Variants in FAM169A observed in about 807,000 individuals in gnomAD.
FAM169A encodes the protein soluble lamin-associated protein of 75 kDa.
A neutral mutation model predicts 75.7 loss-of-function variants in FAM169A; 24 were observed. That is an observed-to-expected ratio of 0.32 (90% confidence interval 0.23 to 0.45). FAM169A has a LOEUF of 0.45. FAM169A is among the 20% of genes least tolerant of loss of function. The pLI is 1.00. For missense variants in FAM169A, 673 were observed against 784.0 expected (o/e 0.86, Z 1.69); for synonymous variants, 271 against 271.0 (o/e 1.00, Z 0.00).
Position 74,866,224 on chromosome 5 carries a change from T to A in FAM169A, c.-63A>T, listed in dbSNP as rs1197893473. On this transcript the variant is annotated 5_prime_UTR_variant, in exon 1 of 13. Transcript: ENST00000687041. The stretch of plus-strand genomic sequence containing the variant: ...GGGAAAGGAGGCGGAGCCGCGCGAA[T>A]GAATGGAGCCGGCGGCTGCTCGCTG... 4 of 984,124 alleles carry A rather than the reference T, an allele frequency of 4.1e-6. No individual in the cohort carries two copies. The East Asian group carries it at 4.6e-4, about 112-fold the overall frequency. 61.0% of individuals were successfully genotyped at this position (984,124 alleles called of 1,614,324 possible). A position where few individuals can be genotyped will look rare whatever the true frequency, so the allele number is the denominator to read the frequency against.
intron 4 of FAM169A, among the ~76,000 whole-genome samples, chr5:74,837,407 C>T (rs1411376810): frequency 6.6e-6 from 1 of 152,096 alleles, no homozygotes; most frequent in Non-Finnish European, 1.5e-5. Context: ...AGCAGATGGG[C>T]CTACCACTTT....
chr5:74,830,028 C>T (rs1748232814), intron 5 of FAM169A, among the ~76,000 whole-genome samples: 1 of 152,028 alleles, frequency 6.6e-6, no homozygotes, highest in Non-Finnish European at 1.5e-5. Flanking sequence ...GATTTATTCC[C>T]TAAGGTGGTA....
At chr5:74,815,946 G>A (rs1230804563) in intron 5 of FAM169A, among the ~76,000 whole-genome samples, 1 of 152,156 alleles carries the variant, frequency 6.6e-6, no homozygotes, top group African/African-American at 2.4e-5. Context: ...TCATAAAAAT[G>A]GGCAACCAGC....
chr5:74,840,765 G>T (rs1224193113), intron 2 of FAM169A, among the ~76,000 whole-genome samples: 1 of 150,962 alleles, frequency 6.6e-6, no homozygotes, highest in African/African-American at 2.4e-5. Context: ...GGAGGCAGAG[G>T]TTGCAGTGAG....
chr5:74,804,473 CAT>C lies in FAM169A; in HGVS notation c.912+18_912+19del. 7.4e-7 allele frequency: 1 copy of C among 1,346,018 alleles called. No individual in the cohort carries two copies. The highest frequency in any genetic ancestry group is 1.0e-6 in the Non-Finnish European group (1 of 960,114). The allele number at this position is 1,346,018 out of a possible 1,614,324, so 83.4% of individuals were successfully genotyped here. A position where few individuals can be genotyped will look rare whatever the true frequency, so the allele number is the denominator to read the frequency against. Reference sequence around the variant, plus strand: ...CAAAAATTTTATATACAACAATAAACATATAGACAGTGTACCTACAGTTAGCT... The same window carrying C: ...CAAAAATTTTATATACAACAATAAACATAGACAGTGTACCTACAGTTAGCT... On this transcript the variant is annotated intron_variant, in intron 8 of 12. Coordinates refer to ENST00000687041, the MANE Select transcript of FAM169A (RefSeq NM_001376049.1).
intron 3 of FAM169A, among the ~76,000 whole-genome samples, chr5:74,839,628 G>A (rs1450991826): frequency 1.3e-4 from 20 of 150,734 alleles, no homozygotes; most frequent in African/African-American, 4.7e-4. Flanking sequence ...GGGTTCAAGC[G>A]ATTCTCCTGC....
chr5:74,783,310 A>G (rs189191625), intron 11 of FAM169A, among the ~76,000 whole-genome samples, 176 bp from the exon 12 acceptor site: 9 of 152,338 alleles, frequency 5.9e-5, no homozygotes, highest in East Asian at 1.9e-4. Flanking sequence ...TCATAAGGCA[A>G]TATCAGCAAA....
intron 11 of FAM169A, among the ~76,000 whole-genome samples, chr5:74,794,388 C>T (rs1223629425): frequency 1.4e-5 from 2 of 141,304 alleles, no homozygotes; most frequent in South Asian, 2.3e-4. Context: ...AGTGAGACTC[C>T]GTCTCAAAAA....
chr5:74,831,481 C>G (rs562305820), intron 5 of FAM169A, among the ~76,000 whole-genome samples: 3 of 151,910 alleles, frequency 2.0e-5, no homozygotes, highest in African/African-American at 4.8e-5. Context: ...ATTGAATAAC[C>G]CTTACCCAAA....
At chr5:74,784,852 G>A (rs1414569959) in intron 11 of FAM169A, among the ~76,000 whole-genome samples, 1 of 146,766 alleles carries the variant, frequency 6.8e-6, no homozygotes, top group African/African-American at 2.5e-5. Flanking sequence ...CCGGGAGGCG[G>A]AGTTTGCAGT....
Position 74,799,170 on chromosome 5 carries a change from C to T in FAM169A, c.1103+1710G>A. Reference sequence around the variant, plus strand: ...ACAATGGACACATCACAGATATTGACTGGGCTCCCAAGCATGACCACATCG... The same window carrying T: ...ACAATGGACACATCACAGATATTGATTGGGCTCCCAAGCATGACCACATCG... On this transcript the variant is annotated intron_variant, in intron 10 of 12. Transcript: ENST00000687041. 3 of 1,105,156 alleles carry T rather than the reference C, an allele frequency of 2.7e-6. No homozygotes were observed. The South Asian group carries it at 3.7e-5, about 14-fold the overall frequency. 68.5% of individuals were successfully genotyped at this position (1,105,156 alleles called of 1,614,324 possible). A position where few individuals can be genotyped will look rare whatever the true frequency, so the allele number is the denominator to read the frequency against.
chr5:74,859,761 T>C (rs1749939211), intron 1 of FAM169A, among the ~76,000 whole-genome samples: 1 of 152,130 alleles, frequency 6.6e-6, no homozygotes, highest in Non-Finnish European at 1.5e-5. Context: ...CTCATGCCTA[T>C]AATCCCAGCA....
chr5:74,786,417 C>G (rs893227911), intron 11 of FAM169A, among the ~76,000 whole-genome samples: 2 of 152,050 alleles, frequency 1.3e-5, no homozygotes, highest in African/African-American at 2.4e-5. Context: ...GATCAGACAC[C>G]AAAATGCTAA....
chr5:74,784,152 T>TG (rs1172670475), intron 11 of FAM169A, among the ~76,000 whole-genome samples: 1 of 152,016 alleles, frequency 6.6e-6, no homozygotes, highest in Non-Finnish European at 1.5e-5. Context: ...ATAAAACAGT[T>TG]GAAGTCATGA....
intron 1 of FAM169A, among the ~76,000 whole-genome samples, chr5:74,856,260 T>C (rs565752068): frequency 6.6e-6 from 1 of 152,312 alleles, no homozygotes; most frequent in South Asian, 2.1e-4. Context: ...GCTTTGGCTA[T>C]TCTGGGGTCT....
In FAM169A at chr5:74,862,054, T is replaced by G. The variant is rs565620305; in HGVS notation, c.-4+4111A>C. ...TCCACCTCAAATACTGCCTTTCTAC[T>G]GCAGCAGATGTGTCTCAACTCTAGC... is the stretch of plus-strand genomic sequence containing the variant. On this transcript the variant is annotated intron_variant, in intron 1 of 12. Coordinates refer to ENST00000687041, the MANE Select transcript of FAM169A (RefSeq NM_001376049.1). Among the ~76,000 whole-genome samples the G allele has an allele frequency of 1.8e-4, 28 of 152,350 alleles. 1 individual carries two copies. The highest frequency in any genetic ancestry group is 3.9e-4 in the Admixed American group (6 of 15,310).
At chr5:74,836,581 T>C (rs964185629) in intron 4 of FAM169A, among the ~76,000 whole-genome samples, 9 of 152,218 alleles carry the variant, frequency 5.9e-5, no homozygotes, top group Non-Finnish European at 1.2e-4. Flanking sequence ...TCTGTAACTT[T>C]ACCAACCAAT....
chr5:74,796,067 T>G lies in FAM169A; in HGVS notation c.1223A>C (p.Glu408Ala), dbSNP rs748160152. Reference sequence around the variant, plus strand: ...TTGCTTCTCTTGCTGTGGCTGGGTTTCCAGTGCTGGCCGTGCATCTCTATC... The same window carrying G: ...TTGCTTCTCTTGCTGTGGCTGGGTTGCCAGTGCTGGCCGTGCATCTCTATC... ...SSDRDARPALETQPQQEKQDG... is the reference protein window; with the variant it reads ...SSDRDARPALATQPQQEKQDG... Residue 408 changes from glutamate (E) to alanine (A), a missense_variant, in exon 11 of 13, where the codon GAA (glutamate) becomes GCA (alanine). Glu to Ala is a moderately radical substitution (Grantham distance 107). Coordinates refer to ENST00000687041, the MANE Select transcript of FAM169A (RefSeq NM_001376049.1). 2.2e-5 allele frequency: 36 copies of G among 1,614,044 alleles called. No homozygotes were observed. The South Asian group carries it at 4.0e-4, about 18-fold the overall frequency.
chr5:74,782,812 A>G (rs1161639193), intron 12 of FAM169A, 119 bp downstream of exon 12: 1 of 584,332 alleles, frequency 1.7e-6, no homozygotes, highest in Non-Finnish European at 3.0e-6. Flanking sequence ...TATAAAAGTT[A>G]ATCTTCCTAA....
Sources: allele counts gnomAD v4.1 joint callset (sites outside exome capture counted in the v4.1 genomes callset), GRCh38; gene constraint gnomAD v4.1.1; transcripts MANE v1.5; gene names NCBI Gene and HGNC (gene_info 2026-07-23, HGNC 2026-07-21).